ZNF705G: variants seen among roughly 807,000 people sequenced by gnomAD.
ZNF705G encodes zinc finger protein 705G.
In ZNF705G, 23 loss-of-function variants were observed where a neutral mutation model predicts 19.6. That is an observed-to-expected ratio of 1.17 (90% CI 0.84 to 1.66). ZNF705G has a LOEUF of 1.66. Ranked by LOEUF, ZNF705G falls within the 40% of genes most tolerant of loss-of-function variation. The probability of loss-of-function intolerance (pLI) is 0.00; values close to 1 mark genes in which losing one functional copy is unlikely to be tolerated. For missense variants in ZNF705G, 457 were observed against 354.4 expected, an observed-to-expected ratio of 1.29 and a Z score of -2.32; for synonymous variants, 146 against 117.7, an observed-to-expected ratio of 1.24 and a Z score of -1.56.
chr8:7,368,878 A>G (rs1448796284), intron 2 of ZNF705G, among the ~76,000 whole-genome samples: 2 of 149,672 alleles, frequency 1.3e-5, no homozygotes, highest in Non-Finnish European at 2.9e-5. Context: ...AAGCCTTGGC[A>G]ATTTCCATGA....
intron 2 of ZNF705G, among the ~76,000 whole-genome samples, chr8:7,381,022 CCACCAAAAAAA>C (rs1807472077): frequency 6.0e-5 from 2 of 33,328 alleles, no homozygotes. Context: ...TCTCAAACCA[CCACCAAAAAAA>C]AAAAAAAAAA....
At chr8:7,383,125 ATTTTTTT>A (rs5889203) in intron 1 of ZNF705G, among the ~76,000 whole-genome samples, 1 of 125,800 alleles carries the variant, frequency 7.9e-6, no homozygotes, top group Non-Finnish European at 1.6e-5. Flanking sequence ...TCAATGTTTG[ATTTTTTT>A]TTTTTTTTTT....
At chr8:7,359,755 T>G (rs1281298528) in intron 5 of ZNF705G, 54 bp from the exon 6 acceptor site, 11 of 1,603,604 alleles carry the variant, frequency 6.9e-6, no homozygotes, top group African/African-American at 2.9e-5. Context: ...ATAAAATTGT[T>G]TGAAAAGCCC....
chr8:7,363,688 G>A (rs570565092), intron 2 of ZNF705G, among the ~76,000 whole-genome samples: 1 of 149,322 alleles, frequency 6.7e-6, no homozygotes, highest in African/African-American at 2.6e-5. Flanking sequence ...GGGTATGGTG[G>A]TGCTTGCCTG....
At chr8:7,365,330 T>C (rs1806806676) in intron 2 of ZNF705G, among the ~76,000 whole-genome samples, 1 of 148,926 alleles carries the variant, frequency 6.7e-6, no homozygotes, top group Non-Finnish European at 1.5e-5. Context: ...GACTTCAAGA[T>C]GAGAGCCTGC....
At chr8:7,366,843 G>A (rs1478205055) in intron 2 of ZNF705G, among the ~76,000 whole-genome samples, 1 of 149,576 alleles carries the variant, frequency 6.7e-6, no homozygotes, top group African/African-American at 2.6e-5. Flanking sequence ...GATTTTCTGT[G>A]ATGAAAGAAA....
At chr8:7,362,717 G>T (rs187844615) in intron 3 of ZNF705G, among the ~76,000 whole-genome samples, 1 of 149,410 alleles carries the variant, frequency 6.7e-6, no homozygotes, top group Non-Finnish European at 1.5e-5. Flanking sequence ...TTTGACACAC[G>T]ATACCCAACC....
intron 2 of ZNF705G, among the ~76,000 whole-genome samples, chr8:7,379,017 A>G (rs1294674893): frequency 6.7e-6 from 1 of 150,308 alleles, no homozygotes; most frequent in Non-Finnish European, 1.5e-5. Context: ...ACACAACTTT[A>G]GTGGCTTTGT....
chr8:7,360,449 C>A, intron 4 of ZNF705G, 117 bp from the exon 5 acceptor site: 2 of 1,502,738 alleles, frequency 1.3e-6, no homozygotes, highest in South Asian at 2.3e-5. Context: ...GCTCAGGCCA[C>A]AAGACCTAGA....
At chr8:7,364,245 A>G (rs1343225931) in intron 2 of ZNF705G, among the ~76,000 whole-genome samples, 4 of 149,640 alleles carry the variant, frequency 2.7e-5, no homozygotes, top group Admixed American at 1.3e-4. Flanking sequence ...ACAGGGGGAA[A>G]CATGCATGTA....
rs1807219743 is a variant in ZNF705G at position 7,375,540 on chromosome 8, C to T, written c.-72+5912G>A. ...GATTTATTTTCCTTTGGATATACAC[C>T]CAGTAGTGAGATTACTGGGTCAAAT... On this transcript the variant is annotated intron_variant, in intron 2 of 6. Coordinates refer to ENST00000400156, the MANE Select transcript of ZNF705G (RefSeq NM_001164457.3). 2.2e-5 allele frequency among the ~76,000 whole-genome samples: 2 copies of T among 91,450 alleles called. 1 individual carries two copies. The highest frequency in any genetic ancestry group is 7.7e-4 in the South Asian group (2 of 2,594). The allele number at this position is 91,450 out of a possible 152,430, so 60.0% of individuals were successfully genotyped here. A position where few individuals can be genotyped will look rare whatever the true frequency, so the allele number is the denominator to read the frequency against.
Position 7,357,638 on chromosome 8 carries a change from A to C in ZNF705G, c.*338T>G. On this transcript the variant is annotated 3_prime_UTR_variant, in exon 7 of 7. Coordinates refer to ENST00000400156, the MANE Select transcript of ZNF705G (RefSeq NM_001164457.3). ...CAGATCACTAACAAGTCTTTGGTACATACATGTCATACAATTTCTCTTCCA... is the reference window on the plus strand; with the variant it reads ...CAGATCACTAACAAGTCTTTGGTACCTACATGTCATACAATTTCTCTTCCA... 4.5e-6 allele frequency: 2 copies of C among 446,844 alleles called. No individual in the cohort carries two copies. Among genetic ancestry groups the C allele is most frequent in the East Asian group, 4.8e-5 (1 of 20,706 alleles). 27.7% of individuals were successfully genotyped at this position (446,844 alleles called of 1,614,324 possible). A position where few individuals can be genotyped will look rare whatever the true frequency, so the allele number is the denominator to read the frequency against.
chr8:7,366,273 G>C, intron 2 of ZNF705G, among the ~76,000 whole-genome samples: 1 of 149,100 alleles, frequency 6.7e-6, no homozygotes, highest in Non-Finnish European at 1.5e-5. Context: ...ATTCAAAGCA[G>C]TTCAGGAATG....
chr8:7,360,552 A>T (rs1585409278), intron 4 of ZNF705G, among the ~76,000 whole-genome samples: 1 of 149,570 alleles, frequency 6.7e-6, no homozygotes, highest in East Asian at 1.9e-4. Flanking sequence ...AATTCAAAAC[A>T]GTCAGGACCT....
Position 7,360,270 on chromosome 8 carries a change from C to T in ZNF705G, c.202G>A (p.Glu68Lys), listed in dbSNP as rs1467477261. The change falls in exon 5 of 7, where the codon GAA (glutamate) becomes AAA (lysine). Residue 68 changes from glutamate (E) to lysine (K), a missense_variant. Coordinates refer to ENST00000400156, the MANE Select transcript of ZNF705G (RefSeq NM_001164457.3). ...TGGTCTTGAAGAAATACTCTTCCTT[C>T]CCTCCACAGCTCTTTTCCTTGCTCC... ...QLEQGKELWREGRVFLQDQNP... is the reference protein window; with the variant it reads ...QLEQGKELWRKGRVFLQDQNP... 6 of 1,591,872 alleles carry T rather than the reference C, an allele frequency of 3.8e-6. No homozygotes were observed. The highest frequency in any genetic ancestry group is 2.2e-5 in the East Asian group (1 of 44,862).
chr8:7,362,078 T>G (rs1563291474), intron 3 of ZNF705G, among the ~76,000 whole-genome samples: 1 of 149,634 alleles, frequency 6.7e-6, no homozygotes, highest in African/African-American at 2.6e-5. Flanking sequence ...GTTTCTCTTT[T>G]AAATTTACCT....
intron 2 of ZNF705G, among the ~76,000 whole-genome samples, chr8:7,371,724 CT>C (rs1308090230): frequency 1.2e-5 from 1 of 80,140 alleles, no homozygotes; most frequent in African/African-American, 4.5e-5. Flanking sequence ...TTTCTCTTGG[CT>C]TTTTTCCTAC....
At chr8:7,384,794 A>G (rs1456881147) in intron 1 of ZNF705G, among the ~76,000 whole-genome samples, 1 of 145,478 alleles carries the variant, frequency 6.9e-6, no homozygotes, top group Non-Finnish European at 1.5e-5. Flanking sequence ...TTAATAAAAT[A>G]ATATAGAAAC....
rs866182738 is a variant in ZNF705G at position 7,357,667 on chromosome 8, G to A, written c.*309C>T. On this transcript the variant is annotated 3_prime_UTR_variant, in exon 7 of 7. Coordinates refer to ENST00000400156, the MANE Select transcript of ZNF705G (RefSeq NM_001164457.3). ...ATGTCATACAATTTCTCTTCCATATGAATTTATTGATGTGGACTGAAGAAT... is the reference window on the plus strand; with the variant it reads ...ATGTCATACAATTTCTCTTCCATATAAATTTATTGATGTGGACTGAAGAAT... 6.1e-6 allele frequency: 3 copies of A among 495,460 alleles called. No individual in the cohort carries two copies. The highest frequency in any genetic ancestry group is 1.1e-5 in the Non-Finnish European group (3 of 285,032). 30.7% of individuals were successfully genotyped at this position (495,460 alleles called of 1,614,324 possible). A position where few individuals can be genotyped will look rare whatever the true frequency, so the allele number is the denominator to read the frequency against.
Sources: allele counts gnomAD v4.1 joint callset (sites outside exome capture counted in the v4.1 genomes callset), GRCh38; gene constraint gnomAD v4.1.1; transcripts MANE v1.5; gene names NCBI Gene and HGNC (gene_info 2026-07-23, HGNC 2026-07-21).